Variants in TNS3 observed in about 807,000 individuals in gnomAD.
TNS3 encodes the protein tensin 3, also known as tensin-3.
In TNS3, 45 loss-of-function variants were observed where a neutral mutation model predicts 140.9. The observed-to-expected ratio is 0.32, with a 90% confidence interval of 0.25 to 0.41. TNS3 has a LOEUF of 0.41. Among genes scored for constraint, TNS3 ranks in the 10% least tolerant of loss-of-function variants. The probability of loss-of-function intolerance (pLI) is 1.00; values close to 1 mark genes in which losing one functional copy is unlikely to be tolerated. For missense variants in TNS3, 1,716 were observed against 1,906.7 expected (o/e 0.90, Z 1.86); for synonymous variants, 815 against 788.4 (o/e 1.03, Z -0.56).
At chr7:47,289,150 T>C (rs1427684381) in intron 27 of TNS3, among the ~76,000 whole-genome samples, 10 of 152,196 alleles carry the variant, frequency 6.6e-5, no homozygotes, top group African/African-American at 2.4e-4. Flanking sequence ...AAAAGCTACA[T>C]AGAAGAATAA....
intron 6 of TNS3, among the ~76,000 whole-genome samples, chr7:47,437,673 T>G (rs1398889344): frequency 6.7e-6 from 1 of 149,548 alleles, no homozygotes; most frequent in African/African-American, 2.4e-5. Flanking sequence ...CAACTAGTAT[T>G]AAACCAGGCG....
chr7:47,555,298 G>A (rs193070830), intron 1 of TNS3, among the ~76,000 whole-genome samples: 9 of 151,888 alleles, frequency 5.9e-5, no homozygotes, highest in Non-Finnish European at 1.3e-4. Context: ...CTACTTGGGA[G>A]GCTGAGGCAG....
chr7:47,366,521 C>G (rs148195082), intron 17 of TNS3, among the ~76,000 whole-genome samples: 1 of 152,332 alleles, frequency 6.6e-6, no homozygotes, highest in African/African-American at 2.4e-5. Flanking sequence ...AGAGACGCTG[C>G]CCTTTACCCA....
intron 1 of TNS3, among the ~76,000 whole-genome samples, chr7:47,578,600 G>A (rs946265101): frequency 6.6e-6 from 1 of 152,002 alleles, no homozygotes; most frequent in African/African-American, 2.4e-5. Context: ...GAGGGCCACG[G>A]TGCTCCTGGA....
At chr7:47,471,910 G>GTAAAGCAC (rs1181742268) in intron 4 of TNS3, among the ~76,000 whole-genome samples, 1 of 152,246 alleles carries the variant, frequency 6.6e-6, no homozygotes, top group African/African-American at 2.4e-5. Context: ...TAAGGCTGCT[G>GTAAAGCAC]TAAAGCACTA....
intron 13 of TNS3, among the ~76,000 whole-genome samples, chr7:47,401,730 C>T (rs1192051774): frequency 6.6e-6 from 1 of 152,200 alleles, no homozygotes; most frequent in South Asian, 2.1e-4. Context: ...TGTGACCGTG[C>T]GCAGCACTGG....
intron 3 of TNS3, among the ~76,000 whole-genome samples, chr7:47,485,375 T>G (rs1272234131): frequency 6.6e-6 from 1 of 152,244 alleles, no homozygotes; most frequent in Non-Finnish European, 1.5e-5. Context: ...ACTCTGTGTA[T>G]GAGAAGCTGC....
chr7:47,482,186 G>A (rs879418598), intron 3 of TNS3, among the ~76,000 whole-genome samples: 12 of 152,230 alleles, frequency 7.9e-5, no homozygotes, highest in Non-Finnish European at 1.5e-4. Flanking sequence ...ATGTGCAACC[G>A]AAGGAGAATC....
chr7:47,532,262 G>A (rs1799435598), intron 1 of TNS3, among the ~76,000 whole-genome samples: 2 of 152,292 alleles, frequency 1.3e-5, no homozygotes, highest in East Asian at 3.9e-4. Flanking sequence ...GCCAGGGAGG[G>A]CCTGTAGGCT....
At chr7:47,336,214 G>A (rs973931668) in intron 20 of TNS3, among the ~76,000 whole-genome samples, 2 of 150,068 alleles carry the variant, frequency 1.3e-5, no homozygotes, top group Non-Finnish European at 3.0e-5. Flanking sequence ...AAAAGGCAGT[G>A]AATTTCTACT....
chr7:47,354,178 T>C (rs1789851206), intron 17 of TNS3, among the ~76,000 whole-genome samples: 1 of 152,138 alleles, frequency 6.6e-6, no homozygotes, highest in South Asian at 2.1e-4. Flanking sequence ...TATTTTTCTG[T>C]TCAGTTAAGA....
chr7:47,388,979 CAGCAGAGGAAGAAGAAGAAGAAGGA>C (rs1792242981), intron 16 of TNS3, among the ~76,000 whole-genome samples: 5 of 139,024 alleles, frequency 3.6e-5, no homozygotes, highest in African/African-American at 5.5e-5. Flanking sequence ...GCAGAAGAAG[CAGCAGAGGAAGAAGAAGAAGAAGGA>C]AGAAGAAGAA....
At chr7:47,552,365 A>T (rs1053019261) in intron 1 of TNS3, among the ~76,000 whole-genome samples, 1 of 152,230 alleles carries the variant, frequency 6.6e-6, no homozygotes, top group African/African-American at 2.4e-5. Context: ...ACACACAGGC[A>T]GACAGACCTC....
chr7:47,302,659 C>G (rs1246582107), intron 22 of TNS3, among the ~76,000 whole-genome samples: 1 of 152,180 alleles, frequency 6.6e-6, no homozygotes, highest in Admixed American at 6.5e-5. Context: ...TACAAAAAGC[C>G]ATGTTCCCAA....
chr7:47,546,153 G>A (rs1433890869), intron 1 of TNS3, among the ~76,000 whole-genome samples: 3 of 152,140 alleles, frequency 2.0e-5, no homozygotes, highest in Admixed American at 6.5e-5. Flanking sequence ...ACTGCCTGCG[G>A]GTTTATTATT....
chr7:47,367,225 G>A (rs1408227696), intron 17 of TNS3, among the ~76,000 whole-genome samples: 1 of 152,188 alleles, frequency 6.6e-6, no homozygotes, highest in African/African-American at 2.4e-5. Flanking sequence ...CTGTGCAGGA[G>A]CTTCCAGACC....
chr7:47,446,865 G>GTTTTTT (rs58375628), intron 4 of TNS3, among the ~76,000 whole-genome samples: 1 of 147,226 alleles, frequency 6.8e-6, no homozygotes. Flanking sequence ...GCTAATTTTT[G>GTTTTTT]TTTTTTTTTT....
chr7:47,379,778 A>T (rs1791635601), intron 16 of TNS3, among the ~76,000 whole-genome samples: 1 of 152,272 alleles, frequency 6.6e-6, no homozygotes, highest in East Asian at 1.9e-4. Context: ...CCAGGAGGGG[A>T]GGTGCCCAGC....
chr7:47,535,149 C>A (rs1799556336), intron 1 of TNS3, among the ~76,000 whole-genome samples: 1 of 152,220 alleles, frequency 6.6e-6, no homozygotes. Flanking sequence ...TAGGGCCCTG[C>A]CCAGCGCCTG....
Sources: allele counts gnomAD v4.1 joint callset (sites outside exome capture counted in the v4.1 genomes callset), GRCh38; gene constraint gnomAD v4.1.1; transcripts MANE v1.5; gene names NCBI Gene and HGNC (gene_info 2026-07-23, HGNC 2026-07-21).